The following ZFHX3 variants were observed in gnomAD, a reference collection of about 807,000 sequenced individuals.
ZFHX3 encodes zinc finger homeobox protein 3.
In ZFHX3, 42 loss-of-function variants were observed where a neutral mutation model predicts 279.1. The ratio of observed to expected loss-of-function variants is 0.15; its 90% confidence interval spans 0.12 to 0.19. The LOEUF (loss-of-function observed/expected upper bound fraction) is 0.19. ZFHX3 is among the 10% of genes least tolerant of loss of function. The pLI, the probability that ZFHX3 is intolerant of heterozygous loss-of-function variation, is 1.00. For synonymous variants in ZFHX3, 2,293 were observed against 1,957.8 expected (o/e 1.17, Z -4.52); for missense variants, 4,981 against 4,754.0 (o/e 1.05, Z -1.40).
Position 73,807,620 on chromosome 16 carries a change from A to ATTTT in ZFHX3, c.-1608+84027_-1608+84030dup, listed in dbSNP as rs55806545. ...TACAGGCACATTCCACCATGCCCCA[A>ATTTT]TTTTTTTTTTTTTTTTTTTTTTTTT... On this transcript the variant is annotated intron_variant, in intron 1 of 17. Transcript: ENST00000641206. Among the ~76,000 whole-genome samples, 75 of 70,580 alleles carry ATTTT rather than the reference A, an allele frequency of 1.1e-3. 4 individuals are homozygous for ATTTT. The highest frequency in any genetic ancestry group is 1.4e-3 in the Non-Finnish European group (53 of 37,822). 46.3% of individuals were successfully genotyped at this position (70,580 alleles called of 152,430 possible).
Position 73,046,449 on chromosome 16 carries a change from T to C in ZFHX3, c.-50+1303A>G, listed in dbSNP as rs192169606. Among the ~76,000 whole-genome samples the C allele has an allele frequency of 3.3e-5, 5 of 152,254 alleles. No homozygotes were observed. In the East Asian group the frequency reaches 7.8e-4, roughly 24 times the overall value. Reference sequence around the variant, plus strand: ...CAATGCAGTCCCCACCACAGCACTCTCGTGTCCTCCTCCAGCCCAGCCTCC... The same window carrying C: ...CAATGCAGTCCCCACCACAGCACTCCCGTGTCCTCCTCCAGCCCAGCCTCC... On this transcript the variant is annotated intron_variant, in intron 1 of 9. Transcript: ENST00000268489.
chr16:73,135,807 G>A (rs970497239), intron 6 of ZFHX3, among the ~76,000 whole-genome samples: 11 of 151,996 alleles, frequency 7.2e-5, no homozygotes, highest in Non-Finnish European at 1.3e-4. Flanking sequence ...TGGTTTCCAC[G>A]GTCCCTACCT....
At chr16:73,244,148 G>C (rs533447814) in intron 5 of ZFHX3, among the ~76,000 whole-genome samples, 21 of 152,310 alleles carry the variant, frequency 1.4e-4, no homozygotes, top group African/African-American at 5.1e-4. Context: ...CCTTTGCAAG[G>C]ATGGGAAGTG....
At chr16:73,323,498 A>G (rs2015621941) in intron 3 of ZFHX3, among the ~76,000 whole-genome samples, 1 of 152,226 alleles carries the variant, frequency 6.6e-6, no homozygotes, top group African/African-American at 2.4e-5. Context: ...TGGAAGATAA[A>G]GGAATCGAAG....
rs769950272 is a variant in ZFHX3, at chr16:73,469,595, G to A, written c.-1546-13337C>T. ...ACCTGGGTCTTTTAAAAACATCCTG[G>A]TACCTAGTCCCAACCTCCAATATAT... On this transcript the variant is annotated intron_variant, in intron 2 of 17. Coordinates refer to the ZFHX3 transcript ENST00000641206. Among the ~76,000 whole-genome samples the A allele has an allele frequency of 1.1e-3, 168 of 151,674 alleles. 2 individuals are homozygous for A. The highest frequency in any genetic ancestry group is 2.8e-4 in the Non-Finnish European group (19 of 68,004).
At chr16:73,654,192 A>G (rs1357308796) in intron 2 of ZFHX3, among the ~76,000 whole-genome samples, 1 of 151,898 alleles carries the variant, frequency 6.6e-6, no homozygotes, top group Non-Finnish European at 1.5e-5. Flanking sequence ...TCAAAAAAAA[A>G]AAAAAAAAGA....
rs2035360249 is a variant in ZFHX3 at position 72,786,168 on chromosome 16, TA to T, written c.*995del. On this transcript the variant is annotated 3_prime_UTR_variant, in exon 10 of 10. Transcript: ENST00000268489. The stretch of plus-strand genomic sequence containing the variant: ...CAACGGATTGCAATCTATCATCTGC[TA>T]GGAATGAACAAGACAACATCAAATG... 1 of 151,614 alleles carries T rather than the reference TA, an allele frequency of 6.6e-6. No individual in the cohort carries two copies. Among genetic ancestry groups the T allele is most frequent in the Non-Finnish European group, 1.5e-5 (1 of 67,952 alleles). 9.4% of individuals were successfully genotyped at this position (151,614 alleles called of 1,614,324 possible). A position where few individuals can be genotyped will look rare whatever the true frequency, so the allele number is the denominator to read the frequency against.
intron 4 of ZFHX3, among the ~76,000 whole-genome samples, chr16:73,316,186 C>G (rs2015443783): frequency 6.6e-6 from 1 of 152,170 alleles, no homozygotes; most frequent in Non-Finnish European, 1.5e-5. Flanking sequence ...GAGAAAAATC[C>G]CCATTGCATA....
In ZFHX3 at chr16:72,787,048, T is replaced by C. The variant is rs578154222; in HGVS notation, c.*116A>G. On this transcript the variant is annotated 3_prime_UTR_variant, in exon 10 of 10. Transcript: ENST00000268489. The stretch of plus-strand genomic sequence containing the variant: ...GCTTTTTCTTTTTTTTCTTTTTTTT[T>C]TTTTTTTTGTTTTTTGGTTAGAAGC... The C allele has an allele frequency of 3.9e-5, 39 of 1,008,040 alleles. No individual in the cohort carries two copies. Among genetic ancestry groups the C allele is most frequent in the African/African-American group, 2.4e-4 (14 of 59,450 alleles). 62.4% of individuals were successfully genotyped at this position (1,008,040 alleles called of 1,614,324 possible).
intron 2 of ZFHX3, among the ~76,000 whole-genome samples, chr16:73,601,418 C>T (rs527365780): frequency 2.0e-5 from 3 of 150,286 alleles, no homozygotes; most frequent in South Asian, 2.1e-4. Flanking sequence ...TGCAGTGAGC[C>T]GAGATCACGC....
intron 3 of ZFHX3, among the ~76,000 whole-genome samples, chr16:73,446,214 C>T (rs1302504405): frequency 3.3e-5 from 5 of 152,128 alleles, no homozygotes; most frequent in Admixed American, 3.3e-4. Flanking sequence ...ATGGATGGAG[C>T]TGGAGGCCAT....
At chr16:72,806,474 T>C (rs1847561487) in intron 7 of ZFHX3, among the ~76,000 whole-genome samples, 1 of 152,140 alleles carries the variant, frequency 6.6e-6, no homozygotes, top group Admixed American at 6.5e-5. Context: ...ATTTAGACCA[T>C]CTAATTGGCA....
chr16:73,346,133 G>A (rs958190677), intron 3 of ZFHX3, among the ~76,000 whole-genome samples: 2 of 152,236 alleles, frequency 1.3e-5, no homozygotes, highest in South Asian at 2.1e-4. Context: ...AGTGTTGAGA[G>A]ACCCCCAGTC....
intron 1 of ZFHX3, among the ~76,000 whole-genome samples, chr16:73,030,416 A>G (rs1247255984): frequency 6.6e-6 from 1 of 152,244 alleles, no homozygotes; most frequent in African/African-American, 2.4e-5. Flanking sequence ...CAAAAAGGTT[A>G]GAAGGCTCAA....
At chr16:73,530,142 A>C (rs2019772742) in intron 2 of ZFHX3, among the ~76,000 whole-genome samples, 1 of 152,186 alleles carries the variant, frequency 6.6e-6, no homozygotes, top group Non-Finnish European at 1.5e-5. Context: ...GGAAGGCAAA[A>C]GTCACGTCTT....
intron 8 of ZFHX3, among the ~76,000 whole-genome samples, chr16:73,069,403 C>T (rs755547569): frequency 1.3e-5 from 2 of 152,120 alleles, no homozygotes; most frequent in Non-Finnish European, 2.9e-5. Context: ...TCCTTTTTCC[C>T]AGGTGCAACT....
chr16:73,228,197 A>C (rs2012664073), intron 5 of ZFHX3, among the ~76,000 whole-genome samples: 1 of 152,220 alleles, frequency 6.6e-6, no homozygotes, highest in South Asian at 2.1e-4. Context: ...GCCACATTAC[A>C]TATGGCTTTT....
chr16:73,484,546 T>C (rs1318831698), intron 2 of ZFHX3, among the ~76,000 whole-genome samples: 1 of 151,956 alleles, frequency 6.6e-6, no homozygotes, highest in Non-Finnish European at 1.5e-5. Flanking sequence ...GGGGCATGAG[T>C]AAATGAGGCA....
intron 2 of ZFHX3, among the ~76,000 whole-genome samples, chr16:73,480,261 G>C (rs866730658): frequency 6.6e-6 from 1 of 150,902 alleles, no homozygotes; most frequent in Non-Finnish European, 1.5e-5. Context: ...ATTCCACTTT[G>C]TCAGTGTGTT....
Sources: gnomAD v4.1 joint callset for allele counts (sites outside exome capture counted in the v4.1 genomes callset) on GRCh38, gnomAD v4.1.1 for gene constraint, MANE v1.5 for transcripts, NCBI Gene and HGNC (gene_info 2026-07-23, HGNC 2026-07-21) for gene names.